The following GNAI1 variants were observed in gnomAD, a reference collection of about 807,000 sequenced individuals.
The protein encoded by GNAI1 is guanine nucleotide-binding protein G(i) subunit alpha-1.
Under a neutral mutation model 38.9 loss-of-function variants are expected in GNAI1, and 11 were observed. That is an observed-to-expected ratio of 0.28 (90% CI 0.18 to 0.47). The LOEUF is 0.47. GNAI1 is among the 20% of genes least tolerant of loss of function. GNAI1 has a pLI of 0.99. For missense variants in GNAI1, 317 were observed against 436.9 expected, an observed-to-expected ratio of 0.73 and a Z score of 2.45; for synonymous variants, 166 against 145.1, an observed-to-expected ratio of 1.14 and a Z score of -1.04.
In GNAI1 at chr7:80,135,050, C is replaced by A; in HGVS notation, c.-111C>A. ...TAGGAAGTGGTGGGGGCGGCGTGGC[C>A]CCCGTCGGGAGGCGTTCGAACGCCC... On this transcript the variant is annotated 5_prime_UTR_variant, in exon 1 of 8. Coordinates refer to ENST00000649796, the MANE Select transcript of GNAI1 (RefSeq NM_002069.6). The A allele has an allele frequency of 1.7e-6, 1 of 575,124 alleles. No homozygotes were observed. Among genetic ancestry groups the A allele is most frequent in the Non-Finnish European group, 2.7e-6 (1 of 365,642 alleles). The allele number at this position is 575,124 out of a possible 1,614,324, so 35.6% of individuals were successfully genotyped here. A position where few individuals can be genotyped will look rare whatever the true frequency, so the allele number is the denominator to read the frequency against.
At chr7:80,181,761 T>C (rs1176971058) in intron 1 of GNAI1, among the ~76,000 whole-genome samples, 1 of 152,172 alleles carries the variant, frequency 6.6e-6, no homozygotes, top group Non-Finnish European at 1.5e-5. Flanking sequence ...GTTGCCTCCT[T>C]TGATACATAA....
chr7:80,198,729 C>CA (rs1788626559), intron 3 of GNAI1, among the ~76,000 whole-genome samples: 2 of 152,206 alleles, frequency 1.3e-5, no homozygotes. Flanking sequence ...GCCCACTCCA[C>CA]ATTGATTTCT....
intron 1 of GNAI1, among the ~76,000 whole-genome samples, chr7:80,168,858 T>G (rs188196583): frequency 6.6e-6 from 1 of 152,336 alleles, no homozygotes; most frequent in African/African-American, 2.4e-5. Context: ...TATCCTACGT[T>G]TCTAAAAATT....
chr7:80,156,826 C>T (rs1197592072), intron 1 of GNAI1, among the ~76,000 whole-genome samples: 2 of 152,116 alleles, frequency 1.3e-5, no homozygotes, highest in Non-Finnish European at 2.9e-5. Flanking sequence ...TTTAGGTTCA[C>T]AGTACTATTG....
intron 1 of GNAI1, among the ~76,000 whole-genome samples, chr7:80,177,777 T>C (rs1204809006): frequency 1.3e-5 from 2 of 152,232 alleles, no homozygotes; most frequent in Admixed American, 6.5e-5. Context: ...CCCAGCCTAA[T>C]GTTGTTTTTA....
rs1788173439 is a variant in GNAI1, at chr7:80,175,741, G to A, written c.119-13210G>A. Among the ~76,000 whole-genome samples, 6 of 152,178 alleles carry A rather than the reference G, an allele frequency of 3.9e-5. No homozygotes were observed. The South Asian group carries it at 1.2e-3, about 32-fold the overall frequency. Reference sequence around the variant, plus strand: ...ATGTTACTATTCTAATTGTTTTAGAGTGCCATAAACTCTGCCCACATAAGA... The same window carrying A: ...ATGTTACTATTCTAATTGTTTTAGAATGCCATAAACTCTGCCCACATAAGA... On this transcript the variant is annotated intron_variant, in intron 1 of 7. Transcript: ENST00000649796.
chr7:80,212,285 T>C (rs752272955), intron 6 of GNAI1, among the ~76,000 whole-genome samples: 6 of 152,222 alleles, frequency 3.9e-5, no homozygotes, highest in Non-Finnish European at 7.3e-5. Context: ...ATATTTATTA[T>C]AATATTTAGA....
At chr7:80,152,440 T>G (rs1327836091) in intron 1 of GNAI1, among the ~76,000 whole-genome samples, 1 of 152,034 alleles carries the variant, frequency 6.6e-6, no homozygotes, top group Non-Finnish European at 1.5e-5. Context: ...CTAGATAGTT[T>G]AAAAGGGGAA....
rs1789145812 is a variant in GNAI1 at position 80,225,575 on chromosome 7, T to C, written c.*8082T>C. On this transcript the variant is annotated 3_prime_UTR_variant, in exon 8 of 8. Transcript: ENST00000649796. ...TGCATTAAAAAAGCTTCTGAACTTA[T>C]TTTGGAAAGAGTAGCTCCCTGGAGT... Among the ~76,000 whole-genome samples, 2 of 152,200 alleles carry C rather than the reference T, an allele frequency of 1.3e-5. No homozygotes were observed. Among genetic ancestry groups the C allele is most frequent in the Admixed American group, 6.5e-5 (1 of 15,278 alleles).
intron 1 of GNAI1, among the ~76,000 whole-genome samples, chr7:80,173,464 A>C (rs954770352): frequency 6.6e-6 from 1 of 152,200 alleles, no homozygotes; most frequent in African/African-American, 2.4e-5. Context: ...AGAATGTCCC[A>C]AAACTGCAAA....
chr7:80,198,966 TTAA>T (rs1788631928), intron 3 of GNAI1, among the ~76,000 whole-genome samples: 1 of 152,302 alleles, frequency 6.6e-6, no homozygotes, highest in African/African-American at 2.4e-5. Context: ...AGCTGGAACC[TTAA>T]TTATTCTTCC....
chr7:80,163,002 T>C (rs545731359), intron 1 of GNAI1, among the ~76,000 whole-genome samples: 2 of 152,300 alleles, frequency 1.3e-5, no homozygotes, highest in East Asian at 3.9e-4. Context: ...TGGGTTTGTT[T>C]TAGGGAATGT....
chr7:80,196,517 AAAATC>A (rs1788577467), intron 3 of GNAI1, among the ~76,000 whole-genome samples: 1 of 151,980 alleles, frequency 6.6e-6, no homozygotes, highest in African/African-American at 2.4e-5. Context: ...ATGGCAAGAT[AAAATC>A]GTTGTCATCA....
In GNAI1 at chr7:80,189,241, TA is replaced by T; in HGVS notation, c.303+13del. 2 of 1,610,444 alleles carry T rather than the reference TA, an allele frequency of 1.2e-6. No individual in the cohort carries two copies. The highest frequency in any genetic ancestry group is 2.2e-5 in the South Asian group (2 of 90,576). On this transcript the variant is annotated intron_variant, in intron 3 of 7. Transcript: ENST00000649796. Reference sequence around the variant, plus strand: ...TGACTCAGCCCGGGCGGTAAGTTATTAAATTTGTTGGAGCTGACCTGATGGG... The same window carrying T: ...TGACTCAGCCCGGGCGGTAAGTTATTAATTTGTTGGAGCTGACCTGATGGG...
chr7:80,223,683 TTAGTA>T lies in GNAI1; in HGVS notation c.*6193_*6197del, dbSNP rs1185452018. Among the ~76,000 whole-genome samples, 3 of 152,220 alleles carry T rather than the reference TTAGTA, an allele frequency of 2.0e-5. No homozygotes were observed. The highest frequency in any genetic ancestry group is 4.4e-5 in the Non-Finnish European group (3 of 68,038). ...AGGACTCACTTTGCAGCATTCAATT[TTAGTA>T]TAACATGTTTTCCTGTTTACAAATA... On this transcript the variant is annotated 3_prime_UTR_variant, in exon 8 of 8. Transcript: ENST00000649796.
intron 4 of GNAI1, among the ~76,000 whole-genome samples, chr7:80,201,657 G>C (rs1335524836): frequency 1.3e-5 from 2 of 152,112 alleles, no homozygotes; most frequent in African/African-American, 2.4e-5. Flanking sequence ...CCAGAAGGTT[G>C]AGGCTATAGT....
At chr7:80,168,608 G>A (rs1324546706) in intron 1 of GNAI1, among the ~76,000 whole-genome samples, 1 of 152,010 alleles carries the variant, frequency 6.6e-6, no homozygotes, top group South Asian at 2.1e-4. Context: ...GGATGGTCTC[G>A]ATCTGACCTT....
chr7:80,210,144 T>A (rs552151218), intron 5 of GNAI1, among the ~76,000 whole-genome samples: 36 of 152,320 alleles, frequency 2.4e-4, no homozygotes, highest in African/African-American at 8.7e-4. Flanking sequence ...AAGTGGTTAT[T>A]TCTAGGTTGC....
intron 3 of GNAI1, among the ~76,000 whole-genome samples, chr7:80,191,770 T>A (rs894359834): frequency 3.3e-5 from 5 of 152,216 alleles, no homozygotes; most frequent in African/African-American, 9.6e-5. Flanking sequence ...GATAACCAGA[T>A]ACTGAATTTT....
Sources: allele counts gnomAD v4.1 joint callset (sites outside exome capture counted in the v4.1 genomes callset), GRCh38; gene constraint gnomAD v4.1.1; transcripts MANE v1.5; gene names NCBI Gene and HGNC (gene_info 2026-07-23, HGNC 2026-07-21).